FCHO1: variants seen among roughly 807,000 people sequenced by gnomAD.
FCHO1 encodes FCH and mu domain containing endocytic adaptor 1.
Under a neutral mutation model 114.4 loss-of-function variants are expected in FCHO1, and 45 were observed. The observed-to-expected ratio is 0.39, with a 90% CI of 0.31 to 0.50. FCHO1 has a LOEUF of 0.50. Ranked by LOEUF, FCHO1 falls within the 20% of genes least tolerant of loss-of-function variation. FCHO1 has a pLI of 0.77. For synonymous variants in FCHO1, 480 were observed against 488.9 expected, an observed-to-expected ratio of 0.98 and a Z score of 0.24; for missense variants, 1,042 against 1,209.6, an observed-to-expected ratio of 0.86 and a Z score of 2.06.
In FCHO1 at chr19:17,783,905, G is replaced by A. The variant is rs148130856; in HGVS notation, c.2094-198G>A. Among the ~76,000 whole-genome samples, 568 of 152,300 alleles carry A rather than the reference G, an allele frequency of 3.7e-3. 3 individuals carry two copies. The highest frequency in any genetic ancestry group is 0.013 in the African/African-American group (525 of 41,570). On this transcript the variant is annotated intron_variant, in intron 24 of 28. Transcript: ENST00000596536. ...CACCTCCTGGGATTTGCTGTGTGGC[G>A]TGGGGCAAGTAACTTGCCCTCTCTG... is the stretch of plus-strand genomic sequence containing the variant.
chr19:17,771,464 C>T (rs1440155187), intron 9 of FCHO1, among the ~76,000 whole-genome samples: 2 of 151,078 alleles, frequency 1.3e-5, no homozygotes, highest in African/African-American at 2.4e-5. Flanking sequence ...GTCAGGAGAT[C>T]GAGACTATCC....
chr19:17,765,970 G>C (rs1243176009), intron 6 of FCHO1, among the ~76,000 whole-genome samples: 2 of 138,800 alleles, frequency 1.4e-5, no homozygotes, highest in Non-Finnish European at 3.0e-5. Context: ...CTCACTGCAA[G>C]CTCCGCCTCC....
rs1232836719 is a variant in FCHO1, at chr19:17,781,467, C to A, written c.1756C>A (p.Pro586Thr). 21 of 1,613,968 alleles carry A rather than the reference C, an allele frequency of 1.3e-5. No homozygotes were observed. Among genetic ancestry groups the A allele is most frequent in the Middle Eastern group, 1.6e-4 (1 of 6,084 alleles). The change falls in exon 22 of 29, where the codon CCC becomes ACC. Residue 586 changes from proline (P) to threonine (T), a missense_variant. Around this residue, in one of 3 missense-constraint regions of FCHO1, gnomAD observed 455 missense variants for 455.4 expected, o/e 1.00. Coordinates refer to ENST00000596536, the MANE Select transcript of FCHO1 (RefSeq NM_015122.3). ...TCCCTTCCAGTCTCGTTCCCTGAGC[C>A]CCTCCCCACTGGGCTCTTCAGCCGC... ...SNGDLSRSLSPSPLGSSAAST... is the reference protein window; with the variant it reads ...SNGDLSRSLSTSPLGSSAAST...
chr19:17,749,201 A>G (rs1323815410), upstream of FCHO1, among the ~76,000 whole-genome samples: 1 of 152,132 alleles, frequency 6.6e-6, no homozygotes, highest in Non-Finnish European at 1.5e-5. Flanking sequence ...AGGCCAGCTC[A>G]TTCCCTGTCC....
upstream of FCHO1, among the ~76,000 whole-genome samples, chr19:17,749,181 G>C (rs370597110): frequency 9.9e-5 from 15 of 152,272 alleles, no homozygotes; most frequent in African/African-American, 3.6e-4. Context: ...AGGAGGGGGT[G>C]GGAGTTGCCA....
rs754211989 is a variant in FCHO1 at position 17,778,712 on chromosome 19, T to G, written c.1455T>G (p.Pro485=). 1.3e-6 allele frequency: 2 copies of G among 1,547,150 alleles called. No homozygotes were observed. Among genetic ancestry groups the G allele is most frequent in the South Asian group, 2.4e-5 (2 of 84,662 alleles). The stretch of plus-strand genomic sequence containing the variant: ...TGGACTCTCCGTCCCACGCGGCACC[T>G]GGCCCCTCCCCAGATTCCTGGGTCC... The part of the protein sequence containing the change: ...SGLDSPSHAA[P]GPSPDSWVPR... Residue 485 remains proline, a synonymous_variant, in exon 20 of 29, where the codon CCT becomes CCG. Coordinates refer to ENST00000596536, the MANE Select transcript of FCHO1 (RefSeq NM_015122.3).
At chr19:17,779,006 TC>T in intron 20 of FCHO1, 122 bp downstream of exon 20, 1 of 1,067,058 alleles carries the variant, frequency 9.4e-7, no homozygotes, top group Non-Finnish European at 1.3e-6. Context: ...AGGCAGAACC[TC>T]CCACCGTTGC....
chr19:17,787,460 G>T (rs567786375), intron 27 of FCHO1, among the ~76,000 whole-genome samples: 1 of 151,930 alleles, frequency 6.6e-6, no homozygotes, highest in Non-Finnish European at 1.5e-5. Flanking sequence ...GGGCCAGATG[G>T]CCAGACACAG....
At position 17,788,277 on chromosome 19, in the gene FCHO1, C is replaced by A. The variant is rs367772964; in HGVS notation, c.2648-7C>A. The A allele has an allele frequency of 5.1e-4, 812 of 1,599,818 alleles. 17 individuals are homozygous for A. In the South Asian group the frequency reaches 8.7e-3, roughly 17 times the overall value. On this transcript the variant is annotated splice_polypyrimidine_tract_variant and splice_region_variant and intron_variant, in intron 28 of 28. Coordinates refer to ENST00000596536, the MANE Select transcript of FCHO1 (RefSeq NM_015122.3). ...CACCCCTCCCCCTCACAGCTGCACC[C>A]CCACAGGGATGTACCTGGTGAGCTG...
At chr19:17,762,707 AGCAACTATGAT>A in intron 4 of FCHO1, 44 bp from the exon 5 acceptor site, 1 of 1,347,974 alleles carries the variant, frequency 7.4e-7, no homozygotes, top group South Asian at 1.2e-5. Flanking sequence ...CCCGTTGCTA[AGCAACTATGAT>A]GTTCTCTCCA....
chr19:17,788,402 C>A lies in FCHO1; in HGVS notation c.*96C>A. On this transcript the variant is annotated 3_prime_UTR_variant, in exon 29 of 29. Transcript: ENST00000596536. ...CGGACCCTGGGGCCTCCCACCCCAGCCTCCCTGAGGCCCATACTCCACGGA... is the reference window on the plus strand; with the variant it reads ...CGGACCCTGGGGCCTCCCACCCCAGACTCCCTGAGGCCCATACTCCACGGA... 1 of 913,014 alleles carries A rather than the reference C, an allele frequency of 1.1e-6. No homozygotes were observed. The highest frequency in any genetic ancestry group is 1.8e-6 in the Non-Finnish European group (1 of 568,042). 56.6% of individuals were successfully genotyped at this position (913,014 alleles called of 1,614,324 possible). A position where few individuals can be genotyped will look rare whatever the true frequency, so the allele number is the denominator to read the frequency against.
intron 4 of FCHO1, among the ~76,000 whole-genome samples, chr19:17,759,226 C>CTTT (rs1473282318): frequency 1.9e-5 from 2 of 105,918 alleles, no homozygotes; most frequent in Non-Finnish European, 3.6e-5. Flanking sequence ...AGCTGATTAC[C>CTTT]TTTTTTTTTT....
intron 11 of FCHO1, among the ~76,000 whole-genome samples, chr19:17,773,351 TGC>T (rs2092043655): frequency 6.6e-6 from 1 of 152,236 alleles, no homozygotes; most frequent in Non-Finnish European, 1.5e-5. Context: ...GCAAAGGGTG[TGC>T]CAGGCACACA....
chr19:17,770,897 G>C lies in FCHO1; in HGVS notation c.594+1G>C. ...GCAGAAGATGCTGGACTCAGCCCTGGTAAGAACCAGGCATCTGTACCTTTA... is the reference window on the plus strand; with the variant it reads ...GCAGAAGATGCTGGACTCAGCCCTGCTAAGAACCAGGCATCTGTACCTTTA... On this transcript the variant is annotated splice_donor_variant, in intron 9 of 28. Coordinates refer to ENST00000596536, the MANE Select transcript of FCHO1 (RefSeq NM_015122.3). LOFTEE classifies it high-confidence loss of function. The C allele has an allele frequency of 6.2e-7, 1 of 1,613,416 alleles. No individual in the cohort carries two copies.
At position 17,770,784 on chromosome 19, in the gene FCHO1, C is replaced by T. The variant is rs2091281545; in HGVS notation, c.490-8C>T. 8 of 1,613,902 alleles carry T rather than the reference C, an allele frequency of 5.0e-6. No homozygotes were observed. Among genetic ancestry groups the T allele is most frequent in the Non-Finnish European group, 6.8e-6 (8 of 1,179,908 alleles). On this transcript the variant is annotated splice_polypyrimidine_tract_variant and splice_region_variant and intron_variant, in intron 8 of 28. Coordinates refer to ENST00000596536, the MANE Select transcript of FCHO1 (RefSeq NM_015122.3). ...CTCCCATCCCCGTTTCCTCCCTGTG[C>T]TTTGTAGGCGGAGACTAAAACCAAG...
chr19:17,774,215 T>C (rs1264196113), intron 11 of FCHO1, 24 bp from the exon 12 acceptor site: 11 of 1,613,284 alleles, frequency 6.8e-6, no homozygotes, highest in Non-Finnish European at 8.5e-6. Flanking sequence ...AGCCCCTCAA[T>C]TGAGTTTCCG....
At chr19:17,782,980 GC>G in intron 23 of FCHO1, 36 bp from the exon 24 acceptor site, 1 of 1,607,858 alleles carries the variant, frequency 6.2e-7, no homozygotes, top group Non-Finnish European at 8.5e-7. Context: ...ACCAGGCAGA[GC>G]CCTAAGCCAA....
At chr19:17,778,981 C>G in intron 20 of FCHO1, 97 bp downstream of exon 20, 1 of 1,280,610 alleles carries the variant, frequency 7.8e-7, no homozygotes, top group Non-Finnish European at 1.0e-6. Flanking sequence ...GCTGGAGACA[C>G]AGCCAGGACC....
intron 7 of FCHO1, 81 bp from the exon 8 acceptor site, chr19:17,770,344 C>T (rs2091125223): frequency 6.5e-6 from 9 of 1,388,212 alleles, no homozygotes; most frequent in Non-Finnish European, 8.7e-6. Context: ...TAGAAAAAGA[C>T]TGTGGAGCTG....
Sources: gnomAD v4.1 joint callset for allele counts (sites outside exome capture counted in the v4.1 genomes callset) on GRCh38, gnomAD v4.1.1 for gene constraint, gnomAD v4.1.1 regional missense constraint, MANE v1.5 for transcripts, NCBI Gene and HGNC (gene_info 2026-07-23, HGNC 2026-07-21) for gene names.